CLEC16A: variants seen among roughly 807,000 people sequenced by gnomAD.
CLEC16A encodes protein CLEC16A.
Under a neutral mutation model 109.5 loss-of-function variants are expected in CLEC16A, and 51 were observed. That is an observed-to-expected ratio of 0.47 (90% CI 0.37 to 0.59). The LOEUF (loss-of-function observed/expected upper bound fraction) is 0.59, where lower values mean the gene tolerates loss of function less well. Ranked by LOEUF, CLEC16A falls within the 20% of genes least tolerant of loss-of-function variation. The pLI, the probability that CLEC16A is intolerant of heterozygous loss-of-function variation, is 0.00. For synonymous variants in CLEC16A, 673 were observed against 564.2 expected (o/e 1.19, Z -2.73); for missense variants, 1,339 against 1,394.0 (o/e 0.96, Z 0.63).
chr16:11,016,569 C>G (rs936824985), intron 11 of CLEC16A, among the ~76,000 whole-genome samples: 1 of 152,096 alleles, frequency 6.6e-6, no homozygotes, highest in Non-Finnish European at 1.5e-5. Flanking sequence ...CTCTTGACCT[C>G]AAGGGATCCT....
intron 22 of CLEC16A, among the ~76,000 whole-genome samples, chr16:11,137,068 G>A (rs1319978011): frequency 2.0e-5 from 3 of 152,300 alleles, no homozygotes; most frequent in Non-Finnish European, 4.4e-5. Flanking sequence ...CTACTCCATC[G>A]TGTGAACCAA....
chr16:11,161,740 G>A (rs965570489), intron 22 of CLEC16A, among the ~76,000 whole-genome samples: 1 of 152,218 alleles, frequency 6.6e-6, no homozygotes, highest in African/African-American at 2.4e-5. Context: ...TGTCCTGCAG[G>A]AATGGGGCCC....
At chr16:11,015,763 C>G (rs1203754853) in intron 11 of CLEC16A, among the ~76,000 whole-genome samples, 1 of 152,270 alleles carries the variant, frequency 6.6e-6, no homozygotes, top group Non-Finnish European at 1.5e-5. Context: ...AGCTTGGCCT[C>G]CAGGCCAGGG....
intron 3 of CLEC16A, among the ~76,000 whole-genome samples, chr16:10,967,293 T>C (rs1473291600): frequency 1.3e-5 from 2 of 152,212 alleles, no homozygotes; most frequent in African/African-American, 4.8e-5. Context: ...AGTTTGACTT[T>C]GATCGACCTC....
intron 10 of CLEC16A, among the ~76,000 whole-genome samples, chr16:10,986,749 G>A (rs2146899648): frequency 6.6e-6 from 1 of 151,994 alleles, no homozygotes; most frequent in South Asian, 2.1e-4. Context: ...GTGTGTGTGT[G>A]TGTGTGTGTG....
intron 11 of CLEC16A, among the ~76,000 whole-genome samples, chr16:11,010,027 C>T (rs1407961365): frequency 2.6e-5 from 4 of 152,086 alleles, no homozygotes; most frequent in African/African-American, 9.7e-5. Flanking sequence ...GCGGTGTGTG[C>T]CTGTAGTCCC....
At chr16:11,084,245 G>A (rs965330985) in intron 19 of CLEC16A, among the ~76,000 whole-genome samples, 5 of 152,044 alleles carry the variant, frequency 3.3e-5, no homozygotes, top group African/African-American at 1.2e-4. Context: ...TCTGCAGACA[G>A]CTTACTTCCT....
intron 23 of CLEC16A, among the ~76,000 whole-genome samples, chr16:11,175,810 T>G (rs1197823826): frequency 1.3e-5 from 2 of 152,258 alleles, no homozygotes. Context: ...TCCACATCCC[T>G]GATTATTCTC....
intron 1 of CLEC16A, among the ~76,000 whole-genome samples, chr16:10,945,444 G>A (rs1027351886): frequency 2.6e-5 from 4 of 152,220 alleles, no homozygotes; most frequent in Non-Finnish European, 5.9e-5. Flanking sequence ...GAAAAATAGA[G>A]ACCTCTGAGG....
chr16:11,161,330 C>G (rs889385096), intron 22 of CLEC16A, among the ~76,000 whole-genome samples: 2 of 152,206 alleles, frequency 1.3e-5, no homozygotes, highest in African/African-American at 4.8e-5. Flanking sequence ...CTACCTTATG[C>G]AAAGACTCCT....
chr16:11,112,495 CAAAAAAA>C (rs984574100), intron 19 of CLEC16A, among the ~76,000 whole-genome samples: 5 of 85,598 alleles, frequency 5.8e-5, no homozygotes, highest in Admixed American at 5.5e-4. Context: ...CCTATCTCTA[CAAAAAAA>C]AAAAAAAAAA....
chr16:11,149,545 A>G (rs1037466941), intron 22 of CLEC16A, among the ~76,000 whole-genome samples: 7 of 152,144 alleles, frequency 4.6e-5, no homozygotes, highest in Non-Finnish European at 7.3e-5. Context: ...TAATCTCAAC[A>G]CTTTGGGAGG....
intron 4 of CLEC16A, among the ~76,000 whole-genome samples, chr16:10,970,649 C>A (rs867371521): frequency 6.6e-6 from 1 of 152,260 alleles, no homozygotes; most frequent in African/African-American, 2.4e-5. Context: ...AGCAATCCCC[C>A]CTCCTTGGCC....
chr16:11,044,870 G>A (rs1044068881), intron 16 of CLEC16A, among the ~76,000 whole-genome samples: 1 of 148,396 alleles, frequency 6.7e-6, no homozygotes, highest in Non-Finnish European at 1.5e-5. Flanking sequence ...AGATTGCGGC[G>A]AGCCAAGATA....
chr16:11,059,051 T>G (rs567921432), intron 18 of CLEC16A, among the ~76,000 whole-genome samples: 2 of 152,254 alleles, frequency 1.3e-5, no homozygotes, highest in African/African-American at 2.4e-5. Flanking sequence ...GTGACACACA[T>G]GTCATACATT....
chr16:10,953,707 T>A (rs926617175), intron 1 of CLEC16A, among the ~76,000 whole-genome samples: 5 of 152,210 alleles, frequency 3.3e-5, no homozygotes, highest in African/African-American at 1.2e-4. Flanking sequence ...CTAGGCGCGG[T>A]GGCTCACGCC....
chr16:10,995,645 G>T (rs2044281479), intron 10 of CLEC16A, among the ~76,000 whole-genome samples: 1 of 152,162 alleles, frequency 6.6e-6, no homozygotes, highest in South Asian at 2.1e-4. Context: ...TTGCCTGTTG[G>T]ATCCCACACT....
intron 22 of CLEC16A, among the ~76,000 whole-genome samples, chr16:11,142,485 T>C (rs1165268087): frequency 1.3e-5 from 2 of 152,368 alleles, no homozygotes; most frequent in Middle Eastern, 3.4e-3. Context: ...AGGTGTGATG[T>C]GTCAACAGCT....
chr16:11,135,331 C>T (rs1423505670), intron 22 of CLEC16A, among the ~76,000 whole-genome samples: 1 of 152,138 alleles, frequency 6.6e-6, no homozygotes, highest in Non-Finnish European at 1.5e-5. Flanking sequence ...CTCACACAGC[C>T]AGAGAAGGAA....
Sources: allele counts gnomAD v4.1 joint callset (sites outside exome capture counted in the v4.1 genomes callset), GRCh38; gene constraint gnomAD v4.1.1; transcripts MANE v1.5; gene names NCBI Gene and HGNC (gene_info 2026-07-23, HGNC 2026-07-21).